The following AGAP1 variants were observed in gnomAD, a reference collection of about 807,000 sequenced individuals.
AGAP1 encodes the protein ArfGAP with GTPase domain, ankyrin repeat and PH domain 1, also known as arf-GAP with GTPase, ANK repeat and PH domain-containing protein 1.
Under a neutral mutation model 105.3 loss-of-function variants are expected in AGAP1, and 29 were observed. That is an observed-to-expected ratio of 0.28 (90% confidence interval 0.21 to 0.38). The LOEUF (loss-of-function observed/expected upper bound fraction) is 0.38. AGAP1 is among the 10% of genes least tolerant of loss of function. AGAP1 has a pLI of 1.00. For synonymous variants in AGAP1, 509 were observed against 485.9 expected (o/e 1.05, Z -0.63); for missense variants, 998 against 1,165.1 (o/e 0.86, Z 2.09).
In AGAP1 at chr2:236,003,226, G is replaced by A. The variant is rs2056197519; in HGVS notation, c.1646-33335G>A. Among the ~76,000 whole-genome samples, 1 of 152,116 alleles carries A rather than the reference G, an allele frequency of 6.6e-6. No homozygotes were observed. The highest frequency in any genetic ancestry group is 2.4e-5 in the African/African-American group (1 of 41,422). ...CGCCCAGCTAATTTTTGTATTTTTA[G>A]TAGAGACGGGGTTTTGCCATGTTGC... On this transcript the variant is annotated intron_variant, in intron 13 of 17. Coordinates refer to ENST00000304032, the MANE Select transcript of AGAP1 (RefSeq NM_001037131.3). This position sits in a 1 kb window ranked among gnomAD's most constrained non-coding sequence, Gnocchi z 4.2.
rs888468346 is a variant in AGAP1, at chr2:235,670,412, C to A, written c.164-38767C>A. On this transcript the variant is annotated intron_variant, in intron 1 of 17. Coordinates refer to ENST00000304032, the MANE Select transcript of AGAP1 (RefSeq NM_001037131.3). ...CACCCGCAGCACCGGGCAGCTGGAACTGGGGCGGCTCCGGCCGTGCGCACG... is the reference window on the plus strand; with the variant it reads ...CACCCGCAGCACCGGGCAGCTGGAAATGGGGCGGCTCCGGCCGTGCGCACG... 8 of 566,648 alleles carry A rather than the reference C, an allele frequency of 1.4e-5. No homozygotes were observed. The East Asian group carries it at 2.6e-4, about 18-fold the overall frequency. 35.1% of individuals were successfully genotyped at this position (566,648 alleles called of 1,614,324 possible). A position where few individuals can be genotyped will look rare whatever the true frequency, so the allele number is the denominator to read the frequency against.
At position 235,777,218 on chromosome 2, in the gene AGAP1, CGT is replaced by C. The variant is rs1320324198; in HGVS notation, c.674-20539_674-20538del. ...CTAAAAATACAAAAAATTAGCCAGGCGTGCGCCTGTAATCCCAGCTACTCGGG... is the reference window on the plus strand; with the variant it reads ...CTAAAAATACAAAAAATTAGCCAGGCGCGCCTGTAATCCCAGCTACTCGGG... On this transcript the variant is annotated intron_variant, in intron 6 of 17. Coordinates refer to ENST00000304032, the MANE Select transcript of AGAP1 (RefSeq NM_001037131.3). This position sits in a 1 kb window ranked among gnomAD's most constrained non-coding sequence, Gnocchi z 5.1. Among the ~76,000 whole-genome samples the C allele has an allele frequency of 1.3e-5, 2 of 152,182 alleles. No individual in the cohort carries two copies. The highest frequency in any genetic ancestry group is 2.9e-5 in the Non-Finnish European group (2 of 68,034).
At chr2:235,694,602 C>T (rs1455733210) in intron 1 of AGAP1, among the ~76,000 whole-genome samples, 1 of 151,596 alleles carries the variant, frequency 6.6e-6, no homozygotes, top group Non-Finnish European at 1.5e-5. Context: ...CAGCCGAGAT[C>T]GCGCCACTGC....
rs1476557007 is a variant in AGAP1 at position 235,983,474 on chromosome 2, C to CT, written c.1645+14855dup. Among the ~76,000 whole-genome samples, 4 of 151,878 alleles carry CT rather than the reference C, an allele frequency of 2.6e-5. No individual in the cohort carries two copies. Among genetic ancestry groups the CT allele is most frequent in the African/African-American group, 7.3e-5 (3 of 41,338 alleles). ...TCTCTTGTTTAATTTCTTTTTTCTT[C>CT]TTTTCCCATCCATAACCTCATCATT... On this transcript the variant is annotated intron_variant, in intron 13 of 17. Transcript: ENST00000304032. This position sits in a 1 kb window ranked among gnomAD's most constrained non-coding sequence, Gnocchi z 4.5.
intron 1 of AGAP1, among the ~76,000 whole-genome samples, chr2:235,587,836 C>A (rs1469863788): frequency 6.6e-6 from 1 of 152,102 alleles, no homozygotes; most frequent in Non-Finnish European, 1.5e-5. Context: ...AGCTAACACT[C>A]AGCCCCACAG....
At chr2:235,771,204 C>T (rs1955416928) in intron 6 of AGAP1, among the ~76,000 whole-genome samples, 1 of 152,338 alleles carries the variant, frequency 6.6e-6, no homozygotes, top group African/African-American at 2.4e-5. Flanking sequence ...AATTAAGTTT[C>T]TGTTGGGCCA....
In AGAP1 at chr2:235,844,659, G is replaced by C. The variant is rs553829795; in HGVS notation, c.1050+37328G>C. Among the ~76,000 whole-genome samples, 11 of 152,206 alleles carry C rather than the reference G, an allele frequency of 7.2e-5. No individual in the cohort carries two copies. In the East Asian group the frequency reaches 1.9e-3, roughly 27 times the overall value. On this transcript the variant is annotated intron_variant, in intron 9 of 17. Transcript: ENST00000304032. ...GACCGATGTCTGCCTCCCTGTCCCA[G>C]CTTCTGTCTCATCCACTCCCAACAC... is the stretch of plus-strand genomic sequence containing the variant.
chr2:235,807,379 C>G, intron 9 of AGAP1, 48 bp downstream of exon 9: 1 of 1,520,894 alleles, frequency 6.6e-7, no homozygotes, highest in South Asian at 1.2e-5. Flanking sequence ...AGATACACCT[C>G]AGGTCTTCCT....
At chr2:235,863,203 C>T (rs1158994993) in intron 9 of AGAP1, among the ~76,000 whole-genome samples, 1 of 152,196 alleles carries the variant, frequency 6.6e-6, no homozygotes, top group Non-Finnish European at 1.5e-5. Flanking sequence ...ACTAAGGAGC[C>T]AGATGGCAGG....
At position 235,535,044 on chromosome 2, in the gene AGAP1, G is replaced by T. The variant is rs1027592052; in HGVS notation, c.163+40195G>T. Among the ~76,000 whole-genome samples the T allele has an allele frequency of 6.6e-6, 1 of 152,064 alleles. No individual in the cohort carries two copies. Among genetic ancestry groups the T allele is most frequent in the African/African-American group, 2.4e-5 (1 of 41,400 alleles). On this transcript the variant is annotated intron_variant, in intron 1 of 17. Coordinates refer to ENST00000304032, the MANE Select transcript of AGAP1 (RefSeq NM_001037131.3). This position sits in a 1 kb window ranked among gnomAD's most constrained non-coding sequence, Gnocchi z 5.1. ...GCCTCTCACCTATTCCCAGATACTC[G>T]CTGGAGTTGGAGCACACATGTCTGC...
chr2:235,903,279 C>CT (rs1559627829), intron 10 of AGAP1, among the ~76,000 whole-genome samples: 1 of 152,024 alleles, frequency 6.6e-6, no homozygotes, highest in African/African-American at 2.4e-5. Context: ...AGTCTTAATA[C>CT]TTTTTTGAAG....
chr2:235,886,711 A>AGG (rs1372365081), intron 10 of AGAP1, among the ~76,000 whole-genome samples: 1 of 152,234 alleles, frequency 6.6e-6, no homozygotes, highest in African/African-American at 2.4e-5. Context: ...TTTTTGATGC[A>AGG]GGTACGTAGT....
In AGAP1 at chr2:235,855,484, CTG is replaced by C. The variant is rs1465824079; in HGVS notation, c.1051-27857_1051-27856del. Among the ~76,000 whole-genome samples the C allele has an allele frequency of 6.6e-6, 1 of 152,170 alleles. No individual in the cohort carries two copies. Among genetic ancestry groups the C allele is most frequent in the Non-Finnish European group, 1.5e-5 (1 of 68,038 alleles). On this transcript the variant is annotated intron_variant, in intron 9 of 17. Transcript: ENST00000304032. This position sits in a 1 kb window ranked among gnomAD's most constrained non-coding sequence, Gnocchi z 5.0. ...ATCATTTTTCAAACCAAATTCTAAA[CTG>C]TGTTACGTTCAGTATGTTTTTGAAG...
At chr2:235,765,785 G>A (rs571702259) in intron 6 of AGAP1, among the ~76,000 whole-genome samples, 2 of 152,252 alleles carry the variant, frequency 1.3e-5, no homozygotes, top group South Asian at 4.2e-4. Context: ...TGAGTAAACC[G>A]TAAGAAAAAA....
At position 235,830,563 on chromosome 2, in the gene AGAP1, T is replaced by C. The variant is rs1959227981; in HGVS notation, c.1050+23232T>C. On this transcript the variant is annotated intron_variant, in intron 9 of 17. Coordinates refer to ENST00000304032, the MANE Select transcript of AGAP1 (RefSeq NM_001037131.3). This position sits in a 1 kb window ranked among gnomAD's most constrained non-coding sequence, Gnocchi z 5.5. ...AAGTTTACAGTTCAGAAGTGTTGCA[T>C]GCTGAGCACTCTTTGTGAGATACTT... is the stretch of plus-strand genomic sequence containing the variant. Among the ~76,000 whole-genome samples, 1 of 150,846 alleles carries C rather than the reference T, an allele frequency of 6.6e-6. No homozygotes were observed. Among genetic ancestry groups the C allele is most frequent in the Non-Finnish European group, 1.5e-5 (1 of 67,882 alleles).
chr2:235,524,948 A>AT (rs1307377596), intron 1 of AGAP1, among the ~76,000 whole-genome samples: 1 of 152,196 alleles, frequency 6.6e-6, no homozygotes, highest in Non-Finnish European at 1.5e-5. Flanking sequence ...GCAAAATAGG[A>AT]TTTTTCAATT....
intron 11 of AGAP1, among the ~76,000 whole-genome samples, chr2:235,915,023 T>C (rs1373110567): frequency 3.3e-5 from 5 of 152,148 alleles, no homozygotes; most frequent in Non-Finnish European, 5.9e-5. Context: ...AAGGCAGCCC[T>C]GACCGTAGGT....
intron 15 of AGAP1, among the ~76,000 whole-genome samples, chr2:236,043,738 T>TGGGG (rs564365759): frequency 1.1e-4 from 15 of 131,876 alleles, no homozygotes; most frequent in African/African-American, 4.0e-4. Context: ...AAAAAAAAAG[T>TGGGG]GGGGGGGGTG....
intron 1 of AGAP1, among the ~76,000 whole-genome samples, chr2:235,624,274 A>G (rs1574986028): frequency 1.3e-5 from 2 of 152,192 alleles, no homozygotes; most frequent in African/African-American, 4.8e-5. Flanking sequence ...TATGGAAGAA[A>G]CACCTACAGA....
Sources: allele counts gnomAD v4.1 joint callset (sites outside exome capture counted in the v4.1 genomes callset), GRCh38; gene constraint gnomAD v4.1.1; non-coding constraint Gnocchi (gnomAD v3.1); transcripts MANE v1.5; gene names NCBI Gene and HGNC (gene_info 2026-07-23, HGNC 2026-07-21).